The following IKBKB-DT variants were observed in gnomAD, a reference collection of about 807,000 sequenced individuals.
IKBKB-DT encodes the protein IKBKB antisense RNA.
intron 3 of IKBKB-DT, among the ~76,000 whole-genome samples, chr8:42,238,521 AG>A (rs1184235823): frequency 1.3e-5 from 2 of 152,238 alleles, no homozygotes; most frequent in African/African-American, 4.8e-5. Context: ...AATTTTGCTA[AG>A]ATGCAGGTGT....
intron 3 of IKBKB-DT, among the ~76,000 whole-genome samples, chr8:42,241,467 C>T (rs551953756): frequency 7.9e-5 from 12 of 151,838 alleles, no homozygotes; most frequent in Middle Eastern, 3.4e-3. Context: ...TTAAACTTTT[C>T]GTACACTTTA....
chr8:42,263,240 T>A (rs1310506517), intron 3 of IKBKB-DT: 1 of 152,184 alleles, frequency 6.6e-6, no homozygotes, highest in Non-Finnish European at 1.5e-5. Context: ...CCCAAACTCC[T>A]GGGCTAAAGT....
chr8:42,255,046 C>T (rs894318530), intron 3 of IKBKB-DT, among the ~76,000 whole-genome samples: 6 of 151,340 alleles, frequency 4.0e-5, no homozygotes, highest in Admixed American at 2.6e-4. Context: ...GCCCAGCTGC[C>T]GCCCTGTCTG....
chr8:42,265,768 G>A (rs775768885), exon 2 of IKBKB-DT: 1 of 152,224 alleles, frequency 6.6e-6, no homozygotes, highest in Non-Finnish European at 1.5e-5. Flanking sequence ...CTTAAAAAGT[G>A]ATTTCCTCCT....
At chr8:42,234,179 G>A (rs1419038886) in intron 3 of IKBKB-DT, among the ~76,000 whole-genome samples, 1 of 152,186 alleles carries the variant, frequency 6.6e-6, no homozygotes, top group Non-Finnish European at 1.5e-5. Context: ...AGGACAGCTT[G>A]GAGGTTAGAA....
At chr8:42,242,648 T>C (rs1474743392) in intron 3 of IKBKB-DT, among the ~76,000 whole-genome samples, 1 of 152,242 alleles carries the variant, frequency 6.6e-6, no homozygotes, top group Non-Finnish European at 1.5e-5. Flanking sequence ...CCTCACTTGC[T>C]GCAGCATCTG....
In IKBKB-DT at chr8:42,239,614, T is replaced by TTTTATATATATATATATATATATATATA. The variant is rs1554502579; in HGVS notation, n.1530-5756_1530-5755insTATATATATATATATATATATATATAAA. 3.2e-3 allele frequency among the ~76,000 whole-genome samples: 64 copies of TTTTATATATATATATATATATATATATA among 19,818 alleles called. 2 individuals carry two copies. The highest frequency in any genetic ancestry group is 5.0e-3 in the Admixed American group (6 of 1,208). The allele number at this position is 19,818 out of a possible 152,430, so 13.0% of individuals were successfully genotyped here. On this transcript the variant is annotated intron_variant and non_coding_transcript_variant, in intron 3 of 3. Coordinates refer to ENST00000518213, the Ensembl canonical transcript of IKBKB-DT. ...CCAACCAATTTTTGTAAAAGGCAAT[T>TTTTATATATATATATATATATATATATA]TATATATATATATATATATATTTAT...
exon 1 of IKBKB-DT, chr8:42,270,741 C>CCTCA (rs1176488241): frequency 1.3e-5 from 2 of 152,538 alleles, no homozygotes; most frequent in African/African-American, 4.8e-5. Flanking sequence ...GAACGATGAA[C>CCTCA]CTCAGGCTGA....
chr8:42,267,154 G>A (rs1311512532), intron 1 of IKBKB-DT, among the ~76,000 whole-genome samples: 1 of 151,736 alleles, frequency 6.6e-6, no homozygotes, highest in African/African-American at 2.4e-5. Context: ...ACAGGCGCCC[G>A]CCACCATGCC....
chr8:42,266,666 T>C (rs536290986), intron 1 of IKBKB-DT, among the ~76,000 whole-genome samples: 2 of 151,520 alleles, frequency 1.3e-5, no homozygotes, highest in African/African-American at 4.9e-5. Context: ...AGACAGGAGG[T>C]CTGCACAAGA....
At chr8:42,239,636 T>TATATATATATATAGATATATA (rs55662464) in intron 3 of IKBKB-DT, among the ~76,000 whole-genome samples, 1 of 28,194 alleles carries the variant, frequency 3.5e-5, no homozygotes, top group South Asian at 1.5e-3. Context: ...ATATATATAT[T>TATATATATATATAGATATATA]TATTTATTTA....
chr8:42,251,143 C>T (rs369757912), intron 3 of IKBKB-DT, among the ~76,000 whole-genome samples: 19 of 152,226 alleles, frequency 1.2e-4, no homozygotes, highest in East Asian at 5.8e-4. Flanking sequence ...ATCGGTGCCA[C>T]GAACAAAAGA....
At chr8:42,247,093 G>C (rs1176200306) in intron 3 of IKBKB-DT, among the ~76,000 whole-genome samples, 2 of 152,162 alleles carry the variant, frequency 1.3e-5, no homozygotes, top group Non-Finnish European at 2.9e-5. Context: ...TCCACCGACA[G>C]CTTGCATCGT....
At chr8:42,269,944 C>CA (rs1262858002) in intron 1 of IKBKB-DT, among the ~76,000 whole-genome samples, 1 of 152,022 alleles carries the variant, frequency 6.6e-6, no homozygotes, top group Non-Finnish European at 1.5e-5. Context: ...TTTCAATTTC[C>CA]AAAAAATGAC....
intron 3 of IKBKB-DT, among the ~76,000 whole-genome samples, chr8:42,242,085 C>T (rs562038340): frequency 6.4e-4 from 97 of 152,118 alleles, no homozygotes; most frequent in African/African-American, 2.3e-3. Flanking sequence ...CATGTTGGTG[C>T]GCGCCTGTAA....
At chr8:42,258,090 T>C (rs1478908762) in intron 3 of IKBKB-DT, among the ~76,000 whole-genome samples, 2 of 152,086 alleles carry the variant, frequency 1.3e-5, no homozygotes, top group East Asian at 3.8e-4. Context: ...ACAGATTACA[T>C]AGACGGTAAA....
At chr8:42,250,599 T>A (rs1461796762) in intron 3 of IKBKB-DT, among the ~76,000 whole-genome samples, 2 of 152,036 alleles carry the variant, frequency 1.3e-5, no homozygotes, top group Non-Finnish European at 2.9e-5. Context: ...AGCCCAGGAA[T>A]AATTAAGGGC....
intron 3 of IKBKB-DT, among the ~76,000 whole-genome samples, chr8:42,250,848 A>C (rs559757057): frequency 1.3e-5 from 2 of 152,294 alleles, no homozygotes; most frequent in East Asian, 3.9e-4. Flanking sequence ...ACACCACTGT[A>C]CTCCAGCCTG....
chr8:42,239,309 A>C (rs1036329242), intron 3 of IKBKB-DT, among the ~76,000 whole-genome samples: 2 of 151,764 alleles, frequency 1.3e-5, no homozygotes, highest in African/African-American at 4.8e-5. Context: ...CATGGCCCTC[A>C]TCCCGCTTCC....
Sources: allele counts gnomAD v4.1 joint callset (sites outside exome capture counted in the v4.1 genomes callset), GRCh38; gene constraint gnomAD v4.1.1; transcripts MANE v1.5; gene names NCBI Gene and HGNC (gene_info 2026-07-23, HGNC 2026-07-21).